The following TMEM140 variants were observed in gnomAD, a reference collection of about 807,000 sequenced individuals.
TMEM140 encodes the protein transmembrane protein 140.
For synonymous variants in TMEM140, 107 were observed against 106.8 expected (o/e 1.00, Z -0.01); for missense variants, 236 against 228.5 (o/e 1.03, Z -0.21).
In TMEM140 at chr7:135,164,617, C is replaced by A. The variant is rs1482564318; in HGVS notation, c.176C>A (p.Thr59Asn). The A allele has an allele frequency of 5.0e-6, 8 of 1,614,082 alleles. No homozygotes were observed. The highest frequency in any genetic ancestry group is 6.8e-6 in the Non-Finnish European group (8 of 1,179,994). ...AACTTCTGCCTGTGGAATGAGGACACCAGCACCCTACAGTGTCACCAGTTC... is the reference window on the plus strand; with the variant it reads ...AACTTCTGCCTGTGGAATGAGGACAACAGCACCCTACAGTGTCACCAGTTC... ...FYNFCLWNED[T>N]STLQCHQFPE... The change falls in exon 2 of 2, where the codon ACC becomes AAC. Residue 59 changes from threonine to asparagine, a missense_variant. By Grantham distance (65) the Thr-to-Asn change is moderately conservative. Transcript: ENST00000275767.
rs1830062196 is a variant in TMEM140 at position 135,165,184 on chromosome 7, C to A, written c.*185C>A. ...AGGGCAGCCAGGGCACCTGTGACTT[C>A]TTAGTACAAGATTGTCTGTCCTTCA... On this transcript the variant is annotated 3_prime_UTR_variant, in exon 2 of 2. Transcript: ENST00000275767. 1.6e-6 allele frequency: 1 copy of A among 613,482 alleles called. No individual in the cohort carries two copies. Among genetic ancestry groups the A allele is most frequent in the African/African-American group, 1.8e-5 (1 of 54,136 alleles). 38.0% of individuals were successfully genotyped at this position (613,482 alleles called of 1,614,324 possible).
Position 135,164,487 on chromosome 7 carries a change from A to C in TMEM140, c.46A>C (p.Ser16Arg). The change falls in exon 2 of 2, where the codon AGC becomes CGC. Residue 16 changes from serine to arginine, a missense_variant. By Grantham distance (110) the Ser-to-Arg change is moderately radical. Coordinates refer to ENST00000275767, the MANE Select transcript of TMEM140 (RefSeq NM_018295.5). ...GTGGCGCGACCAGCTGCTGTTCATG[A>C]GCATCATAGTCCTCGTGATTGTGGT... The part of the protein sequence containing the change: ...PRWRDQLLFM[S>R]IIVLVIVVIC... The C allele has an allele frequency of 6.2e-7, 1 of 1,606,182 alleles. No individual in the cohort carries two copies. The highest frequency in any genetic ancestry group is 8.5e-7 in the Non-Finnish European group (1 of 1,173,186).
At position 135,165,852 on chromosome 7, in the gene TMEM140, A is replaced by C. The variant is rs1222541950; in HGVS notation, c.*853A>C. On this transcript the variant is annotated 3_prime_UTR_variant, in exon 2 of 2. Coordinates refer to ENST00000275767, the MANE Select transcript of TMEM140 (RefSeq NM_018295.5). ...AAACCTGTATGGCAGTGATTTATTCATATATTCCTGTCCAAAGCCACACTG... is the reference window on the plus strand; with the variant it reads ...AAACCTGTATGGCAGTGATTTATTCCTATATTCCTGTCCAAAGCCACACTG... 1 of 167,138 alleles carries C rather than the reference A, an allele frequency of 6.0e-6. No homozygotes were observed. The highest frequency in any genetic ancestry group is 1.5e-5 in the Non-Finnish European group (1 of 68,140). The allele number at this position is 167,138 out of a possible 1,614,324, so 10.4% of individuals were successfully genotyped here.
intron 1 of TMEM140, 50 bp from the exon 2 acceptor site, chr7:135,164,368 C>A: frequency 2.8e-6 from 4 of 1,425,118 alleles, no homozygotes; most frequent in Admixed American, 3.7e-5. Context: ...TGTCTGGACA[C>A]AGGGAACAAG....
chr7:135,152,752 G>C (rs1829695171), intron 1 of TMEM140: 2 of 152,266 alleles, frequency 1.3e-5, no homozygotes, highest in South Asian at 4.1e-4. Flanking sequence ...TTAAAAGAAA[G>C]GCCCTAGGAA....
intron 1 of TMEM140, among the ~76,000 whole-genome samples, chr7:135,162,528 G>A (rs989873564): frequency 6.6e-6 from 1 of 152,230 alleles, no homozygotes; most frequent in Non-Finnish European, 1.5e-5. Context: ...TCACAATCAT[G>A]GTGAAAGGCA....
At position 135,151,651 on chromosome 7, in the gene TMEM140, G is replaced by A. The variant is rs1829669654; in HGVS notation, c.-25+3381G>A. On this transcript the variant is annotated intron_variant, in intron 1 of 1. Transcript: ENST00000275767. This position sits in a 1 kb window ranked among gnomAD's most constrained non-coding sequence, Gnocchi z 4.3. ...GAGCAGACACATTGACCCAGTTTGTGTCAGGCCCCAAGCCCTCTATATGTG... is the reference window on the plus strand; with the variant it reads ...GAGCAGACACATTGACCCAGTTTGTATCAGGCCCCAAGCCCTCTATATGTG... 6.6e-6 allele frequency among the ~76,000 whole-genome samples: 1 copy of A among 152,168 alleles called. No homozygotes were observed. Among genetic ancestry groups the A allele is most frequent in the Admixed American group, 6.5e-5 (1 of 15,278 alleles).
chr7:135,160,114 A>G (rs895879061), intron 1 of TMEM140, among the ~76,000 whole-genome samples: 7 of 152,280 alleles, frequency 4.6e-5, no homozygotes, highest in African/African-American at 1.7e-4. Flanking sequence ...ACAAACATAT[A>G]TATTTATGTA....
In TMEM140 at chr7:135,161,174, T is replaced by C. The variant is rs1829926953; in HGVS notation, c.-24-3244T>C. On this transcript the variant is annotated intron_variant, in intron 1 of 1. Transcript: ENST00000275767. The surrounding 1 kb of genome is among the most constrained non-coding windows in gnomAD (Gnocchi z 4.1). Reference sequence around the variant, plus strand: ...TGGTCCTGGGCTTCTTGGCTCGTTTTGTTTTGCTCTACATTAAAAGGTCAG... The same window carrying C: ...TGGTCCTGGGCTTCTTGGCTCGTTTCGTTTTGCTCTACATTAAAAGGTCAG... Among the ~76,000 whole-genome samples the C allele has an allele frequency of 6.6e-6, 1 of 152,230 alleles. No homozygotes were observed. Among genetic ancestry groups the C allele is most frequent in the Non-Finnish European group, 1.5e-5 (1 of 68,032 alleles).
intron 1 of TMEM140, among the ~76,000 whole-genome samples, chr7:135,153,882 C>A (rs1458844373): frequency 5.3e-5 from 8 of 152,094 alleles, no homozygotes. Context: ...ATTCCTTTCT[C>A]CTTGATTTTT....
intron 1 of TMEM140, among the ~76,000 whole-genome samples, chr7:135,157,113 G>T (rs1422352103): frequency 6.6e-6 from 1 of 152,144 alleles, no homozygotes; most frequent in Non-Finnish European, 1.5e-5. Flanking sequence ...GTGTGAAAAT[G>T]GACTAATACA....
chr7:135,165,015 C>A lies in TMEM140; in HGVS notation c.*16C>A, dbSNP rs374720338. 11 of 1,558,220 alleles carry A rather than the reference C, an allele frequency of 7.1e-6. No homozygotes were observed. Among genetic ancestry groups the A allele is most frequent in the Non-Finnish European group, 9.6e-6 (11 of 1,149,782 alleles). On this transcript the variant is annotated 3_prime_UTR_variant, in exon 2 of 2. Transcript: ENST00000275767. ...GAGCTGCTAAAGGCTTACGTGATTG[C>A]AAGGGTTCAGTTCCAACCATGGTCA...
At chr7:135,155,570 T>C (rs1829772406) in intron 1 of TMEM140, among the ~76,000 whole-genome samples, 1 of 152,240 alleles carries the variant, frequency 6.6e-6, no homozygotes, top group Non-Finnish European at 1.5e-5. Flanking sequence ...GGCTCATGCC[T>C]TTAATCCCAG....
intron 1 of TMEM140, among the ~76,000 whole-genome samples, chr7:135,156,194 T>A (rs922367945): frequency 2.0e-5 from 3 of 152,310 alleles, no homozygotes; most frequent in Admixed American, 6.5e-5. Context: ...TTCACTTGAC[T>A]TCAGACATTT....
At chr7:135,157,990 G>A (rs1412541368) in intron 1 of TMEM140, among the ~76,000 whole-genome samples, 2 of 151,786 alleles carry the variant, frequency 1.3e-5, no homozygotes, top group Middle Eastern at 3.4e-3. Flanking sequence ...CTTGAGTCTC[G>A]GTCTCACAGC....
intron 1 of TMEM140, among the ~76,000 whole-genome samples, chr7:135,157,347 C>T (rs898340626): frequency 1.2e-4 from 19 of 152,206 alleles, no homozygotes; most frequent in African/African-American, 4.1e-4. Flanking sequence ...TCAGTGTTCT[C>T]TGTGATTTCC....
chr7:135,164,613 G>A lies in TMEM140; in HGVS notation c.172G>A (p.Asp58Asn). 6.2e-7 allele frequency: 1 copy of A among 1,614,220 alleles called. No homozygotes were observed. Among genetic ancestry groups the A allele is most frequent in the South Asian group, 1.1e-5 (1 of 91,092 alleles). The part of the protein sequence containing the change: ...GFYNFCLWNE[D>N]TSTLQCHQFP... ...CTATAACTTCTGCCTGTGGAATGAG[G>A]ACACCAGCACCCTACAGTGTCACCA... The change falls in exon 2 of 2, where the codon GAC becomes AAC. Residue 58 changes from aspartate to asparagine, a missense_variant. By Grantham distance (23) the Asp-to-Asn change is conservative. Coordinates refer to ENST00000275767, the MANE Select transcript of TMEM140 (RefSeq NM_018295.5).
At chr7:135,160,653 G>C (rs1400621533) in intron 1 of TMEM140, among the ~76,000 whole-genome samples, 12 of 151,860 alleles carry the variant, frequency 7.9e-5, no homozygotes, top group Non-Finnish European at 1.3e-4. Context: ...CCCTCAGGCA[G>C]CTCTGCTGTC....
At chr7:135,149,172 CCT>C (rs1195263307) in intron 1 of TMEM140, among the ~76,000 whole-genome samples, 1 of 152,030 alleles carries the variant, frequency 6.6e-6, no homozygotes, top group Non-Finnish European at 1.5e-5. Context: ...GTTTTGAATG[CCT>C]GTTTTATAAA....
Sources: gnomAD v4.1 joint callset for allele counts (sites outside exome capture counted in the v4.1 genomes callset) on GRCh38, gnomAD v4.1.1 for gene constraint, Gnocchi (gnomAD v3.1) non-coding constraint, MANE v1.5 for transcripts, NCBI Gene and HGNC (gene_info 2026-07-23, HGNC 2026-07-21) for gene names.